Variants in PALLD observed in about 807,000 individuals in gnomAD.
PALLD encodes palladin, cytoskeletal associated protein.
In PALLD, 61 loss-of-function variants were observed where a neutral mutation model predicts 123.5. The ratio of observed to expected loss-of-function variants is 0.49; its 90% CI spans 0.40 to 0.61. The LOEUF is 0.61. Among genes scored for constraint, PALLD ranks in the 20% least tolerant of loss-of-function variants. PALLD has a pLI of 0.00. For synonymous variants in PALLD, 465 were observed against 496.4 expected (o/e 0.94, Z 0.84); for missense variants, 1,273 against 1,377.0 (o/e 0.92, Z 1.20).
At chr4:168,710,033 C>T (rs1330393303) in intron 9 of PALLD, among the ~76,000 whole-genome samples, 1 of 152,086 alleles carries the variant, frequency 6.6e-6, no homozygotes, top group Non-Finnish European at 1.5e-5. Context: ...ACTGTTGAAA[C>T]TTCTGAAAAG....
At chr4:168,864,557 T>G (rs1749988741) in intron 10 of PALLD, 1 of 152,190 alleles carries the variant, frequency 6.6e-6, no homozygotes, top group East Asian at 1.9e-4. Flanking sequence ...ATACTATACA[T>G]ACTTCAGTGG....
intron 2 of PALLD, among the ~76,000 whole-genome samples, chr4:168,553,941 C>G (rs1767004808): frequency 6.6e-6 from 1 of 152,114 alleles, no homozygotes. Context: ...TGGAAGGAAA[C>G]TTCTGATATT....
intron 10 of PALLD, among the ~76,000 whole-genome samples, chr4:168,722,045 A>G (rs1786073037): frequency 6.6e-6 from 1 of 152,052 alleles, no homozygotes; most frequent in African/African-American, 2.4e-5. Context: ...TTATGTATAT[A>G]TGTATGTATG....
At chr4:168,670,768 AAAAAAAC>A (rs1167305269) in intron 3 of PALLD, among the ~76,000 whole-genome samples, 5 of 66,350 alleles carry the variant, frequency 7.5e-5, no homozygotes, top group African/African-American at 4.6e-4. Context: ...AAAAAAACAA[AAAAAAAC>A]AAAAAAAAAA....
chr4:168,793,217 A>ATG (rs1737835800), intron 10 of PALLD, among the ~76,000 whole-genome samples: 1 of 52,666 alleles, frequency 1.9e-5, no homozygotes, highest in African/African-American at 7.8e-5. Context: ...ATACATATAT[A>ATG]TGTGTGCATA....
chr4:168,789,839 A>G (rs1272713158), intron 10 of PALLD, among the ~76,000 whole-genome samples: 2 of 152,172 alleles, frequency 1.3e-5, no homozygotes, highest in African/African-American at 4.8e-5. Context: ...GCAGTCAGAC[A>G]ATTTCCTCTC....
intron 2 of PALLD, among the ~76,000 whole-genome samples, chr4:168,561,246 G>A (rs10518012): frequency 0.13 from 20,307 of 151,748 alleles, 1,793 homozygotes; most frequent in South Asian, 0.21. Flanking sequence ...ATAAGCAGAC[G>A]ACCAATTTTC....
intron 18 of PALLD, among the ~76,000 whole-genome samples, chr4:168,924,041 T>C (rs574259388): frequency 2.3e-4 from 35 of 152,322 alleles, no homozygotes; most frequent in Admixed American, 1.2e-3. Context: ...CCTATCAGAC[T>C]TGAATTAATT....
At chr4:168,785,058 C>CTTTTTTTTTTTTTTT (rs746597278) in intron 10 of PALLD, among the ~76,000 whole-genome samples, 7 of 84,830 alleles carry the variant, frequency 8.3e-5, no homozygotes, top group African/African-American at 2.5e-4. Context: ...CTCCCTTTTG[C>CTTTTTTTTTTTTTTT]TTTTTTTTTT....
At position 168,599,777 on chromosome 4, in the gene PALLD, T is replaced by C. The variant is rs1450687718; in HGVS notation, c.909-68413T>C. On this transcript the variant is annotated intron_variant, in intron 2 of 21. Transcript: ENST00000505667. ...GCAACATAGCCAGAACCTGTGTCTA[T>C]AGAAATTTTTAAAATAAAATAAAAA... 2.0e-5 allele frequency among the ~76,000 whole-genome samples: 3 copies of C among 152,156 alleles called. No homozygotes were observed. In the East Asian group the frequency reaches 5.8e-4, roughly 29 times the overall value.
chr4:168,517,599 C>G (rs774117636), intron 2 of PALLD, among the ~76,000 whole-genome samples: 43 of 152,126 alleles, frequency 2.8e-4, no homozygotes, highest in Non-Finnish European at 5.6e-4. Context: ...TCCTCAAAAA[C>G]GACAGGAAGA....
intron 10 of PALLD, among the ~76,000 whole-genome samples, chr4:168,760,182 C>A (rs1732627863): frequency 6.6e-6 from 1 of 152,142 alleles, no homozygotes. Flanking sequence ...TCTCCTCTGC[C>A]TTCCAGCCTC....
At chr4:168,578,194 A>G (rs546511247) in intron 2 of PALLD, among the ~76,000 whole-genome samples, 7 of 152,032 alleles carry the variant, frequency 4.6e-5, no homozygotes, top group African/African-American at 1.4e-4. Flanking sequence ...TTAAGTTAGG[A>G]TTTAAAAAAC....
chr4:168,589,164 T>C lies in PALLD; in HGVS notation c.908+76752T>C, dbSNP rs146709595. Among the ~76,000 whole-genome samples, 360 of 152,328 alleles carry C rather than the reference T, an allele frequency of 2.4e-3. 3 individuals carry two copies. Among genetic ancestry groups the C allele is most frequent in the African/African-American group, 7.6e-3 (316 of 41,568 alleles). On this transcript the variant is annotated intron_variant, in intron 2 of 21. Transcript: ENST00000505667. ...AAGTGCTTTACCATACTGTAATTTG[T>C]CATTCTTGATTGTAATGTATGGTAA...
chr4:168,674,000 C>T (rs1449540808), intron 3 of PALLD, among the ~76,000 whole-genome samples: 1 of 152,116 alleles, frequency 6.6e-6, no homozygotes, highest in Non-Finnish European at 1.5e-5. Flanking sequence ...CTGCAACCTC[C>T]ACCTCCTGGG....
chr4:168,735,062 C>T (rs539711728), intron 10 of PALLD, among the ~76,000 whole-genome samples: 1 of 152,266 alleles, frequency 6.6e-6, no homozygotes, highest in African/African-American at 2.4e-5. Flanking sequence ...CTGAGTCATT[C>T]TCATGAATAT....
At chr4:168,562,484 C>T (rs370824295) in intron 2 of PALLD, among the ~76,000 whole-genome samples, 135 of 152,180 alleles carry the variant, frequency 8.9e-4, no homozygotes, top group African/African-American at 3.1e-3. Flanking sequence ...AATACATAAA[C>T]AAATAAGTAA....
chr4:168,591,888 G>A (rs914822204), intron 2 of PALLD, among the ~76,000 whole-genome samples: 5 of 152,102 alleles, frequency 3.3e-5, no homozygotes, highest in Non-Finnish European at 7.3e-5. Context: ...AATAAAAGAC[G>A]AGGCTTTGGA....
intron 10 of PALLD, among the ~76,000 whole-genome samples, chr4:168,870,827 T>C (rs534540620): frequency 2.0e-5 from 3 of 152,356 alleles, no homozygotes; most frequent in Admixed American, 6.5e-5. Context: ...TCCATGTTTT[T>C]ACTTGTAAAT....
Sources: allele counts gnomAD v4.1 joint callset (sites outside exome capture counted in the v4.1 genomes callset), GRCh38; gene constraint gnomAD v4.1.1; transcripts MANE v1.5; gene names NCBI Gene and HGNC (gene_info 2026-07-23, HGNC 2026-07-21).